PLCXD1: variants seen among roughly 807,000 people sequenced by gnomAD.
PLCXD1 encodes phosphatidylinositol specific phospholipase C X domain containing 1.
In PLCXD1, 45 loss-of-function variants were observed where a neutral mutation model predicts 37.8. The observed-to-expected ratio is 1.19, with a 90% CI of 0.94 to 1.53. The LOEUF (loss-of-function observed/expected upper bound fraction) is 1.53. Among genes scored for constraint, PLCXD1 ranks in the 40% most tolerant of loss-of-function variants. The pLI is 0.00. For missense variants in PLCXD1, 539 were observed against 454.7 expected, an observed-to-expected ratio of 1.19 and a Z score of -1.69; for synonymous variants, 246 against 206.9, an observed-to-expected ratio of 1.19 and a Z score of -1.62.
In PLCXD1 at chrX:299,236, G is replaced by A. The variant is rs748487331; in HGVS notation, c.873G>A (p.Pro291=). Residue 291 remains proline (P), a synonymous_variant, in exon 7 of 7, where the codon CCG becomes CCA. Coordinates refer to ENST00000381657, the MANE Select transcript of PLCXD1 (RefSeq NM_018390.4). Reference sequence around the variant, plus strand: ...GGGTCCGAGAGCAGTGCCCGGGGCCGGGTTCACGGTGCACCAACATCATCG... The same window carrying A: ...GGGTCCGAGAGCAGTGCCCGGGGCCAGGTTCACGGTGCACCAACATCATCG... ...SAWVREQCPG[P]GSRCTNIIAG... 5 of 1,613,898 alleles carry A rather than the reference G, an allele frequency of 3.1e-6. No homozygotes were observed. The highest frequency in any genetic ancestry group is 2.2e-5 in the South Asian group (2 of 91,074).
chrX:288,966 G>A, intron 3 of PLCXD1, 97 bp downstream of exon 3: 1 of 1,238,584 alleles, frequency 8.1e-7, no homozygotes, highest in African/African-American at 1.5e-5. Context: ...GGTAGGGTTT[G>A]AGTGGTGCCC....
intron 1 of PLCXD1, among the ~76,000 whole-genome samples, chrX:283,006 A>G (rs2069323805): frequency 6.8e-6 from 1 of 146,478 alleles, no homozygotes. Flanking sequence ...TATATATTAT[A>G]TATGTTATAT....
upstream of PLCXD1, among the ~76,000 whole-genome samples, chrX:278,952 T>C (rs1223853943): frequency 2.0e-5 from 3 of 152,112 alleles, no homozygotes; most frequent in Non-Finnish European, 4.4e-5. Flanking sequence ...AGGCTTTGTG[T>C]GAGCGATAAA....
chrX:291,461 G>A (rs774913642), intron 4 of PLCXD1, 38 bp from the exon 5 acceptor site: 1 of 1,608,666 alleles, frequency 6.2e-7, no homozygotes, highest in Admixed American at 1.7e-5. Context: ...TGTGGTGTTG[G>A]AGTCGTGCAG....
At chrX:298,805 T>C (rs35231940) in intron 6 of PLCXD1, among the ~76,000 whole-genome samples, 2,127 of 89,240 alleles carry the variant, frequency 0.024, 32 homozygotes, top group African/African-American at 0.041. Flanking sequence ...ACATGGGGAT[T>C]AGGACGTGGA....
chrX:299,210 TG>T lies in PLCXD1; in HGVS notation c.850del (p.Val284SerfsTer71). 1 of 1,613,854 alleles carries T rather than the reference TG, an allele frequency of 6.2e-7. No homozygotes were observed. Among genetic ancestry groups the T allele is most frequent in the Non-Finnish European group, 8.5e-7 (1 of 1,179,840 alleles). On this transcript the variant is annotated frameshift_variant, in exon 7 of 7. Coordinates refer to ENST00000381657, the MANE Select transcript of PLCXD1 (RefSeq NM_018390.4). LOFTEE classifies it high-confidence loss of function. Reference sequence around the variant, plus strand: ...GCCCAACCTTCCGCGGCTGAGCGCGTGGGTCCGAGAGCAGTGCCCGGGGCCG... The same window carrying T: ...GCCCAACCTTCCGCGGCTGAGCGCGTGGTCCGAGAGCAGTGCCCGGGGCCG... Reference protein sequence around the residue: ...TLPNLPRLSAWVREQCPGPGS... With the variant: ...TLPNLPRLSAXVREQCPGPGS...
chrX:302,475 C>A lies in PLCXD1; in HGVS notation c.*3140C>A, dbSNP rs2070048064. On this transcript the variant is annotated 3_prime_UTR_variant, in exon 7 of 7. Transcript: ENST00000381657. ...ATGGCACGATCTCAGCTCACTGCAA[C>A]CTCTGCCTCCCGGGTTCAAGTGATT... 6.6e-6 allele frequency: 1 copy of A among 152,200 alleles called. No individual in the cohort carries two copies. Among genetic ancestry groups the A allele is most frequent in the Non-Finnish European group, 1.5e-5 (1 of 68,074 alleles). The allele number at this position is 152,200 out of a possible 1,614,324, so 9.4% of individuals were successfully genotyped here.
upstream of PLCXD1, among the ~76,000 whole-genome samples, chrX:277,175 T>G: frequency 7.0e-6 from 1 of 143,738 alleles, no homozygotes; most frequent in African/African-American, 2.7e-5. Flanking sequence ...CTTTGTCATG[T>G]GTGGGGAAGG....
intron 2 of PLCXD1, among the ~76,000 whole-genome samples, chrX:288,008 C>T: frequency 6.6e-6 from 1 of 152,232 alleles, no homozygotes; most frequent in East Asian, 1.9e-4. Context: ...GTCCTTCCTG[C>T]CTCTCCCAGC....
chrX:299,047 G>C, intron 6 of PLCXD1, 50 bp from the exon 7 acceptor site: 1 of 1,345,060 alleles, frequency 7.4e-7, no homozygotes, highest in South Asian at 1.2e-5. Flanking sequence ...GGAGAAACAG[G>C]CGGGTGAGGC....
chrX:297,308 A>G (rs759182791), intron 6 of PLCXD1, among the ~76,000 whole-genome samples: 1 of 35,792 alleles, frequency 2.8e-5, no homozygotes, highest in Non-Finnish European at 4.6e-5. Context: ...ATCTTTGGGG[A>G]CATTATCCTG....
intron 6 of PLCXD1, among the ~76,000 whole-genome samples, chrX:295,242 G>A (rs184058639): frequency 6.6e-4 from 101 of 152,244 alleles, no homozygotes; most frequent in African/African-American, 2.4e-3. Flanking sequence ...CACCGACGGG[G>A]TGTGAGGTGC....
At chrX:296,813 T>G (rs1275960248) in intron 6 of PLCXD1, among the ~76,000 whole-genome samples, 1 of 152,120 alleles carries the variant, frequency 6.6e-6, no homozygotes, top group Non-Finnish European at 1.5e-5. Context: ...TGGACATCTT[T>G]GGGGCCATTA....
rs60605627 is a variant in PLCXD1 at position 282,402 on chromosome X, CAAA to C, written c.-22+726_-22+728del. Among the ~76,000 whole-genome samples the C allele has an allele frequency of 8.8e-3, 1,313 of 148,982 alleles. 25 individuals carry two copies. The highest frequency in any genetic ancestry group is 0.031 in the African/African-American group (1,240 of 40,396). On this transcript the variant is annotated intron_variant, in intron 1 of 6. Transcript: ENST00000381657. The stretch of plus-strand genomic sequence containing the variant: ...TGTCTTTAAAAAAAACAAAACAAAA[CAAA>C]AAAAAAACCGTACATACAGCTGGGC...
intron 2 of PLCXD1, among the ~76,000 whole-genome samples, chrX:285,942 G>C (rs2069440811): frequency 6.6e-6 from 1 of 152,068 alleles, no homozygotes; most frequent in Non-Finnish European, 1.5e-5. Context: ...TCAGGAGAGG[G>C]GGTGATGATG....
At chrX:292,215 G>T (rs2069659154) in intron 5 of PLCXD1, among the ~76,000 whole-genome samples, 1 of 152,058 alleles carries the variant, frequency 6.6e-6, no homozygotes, top group Admixed American at 6.5e-5. Flanking sequence ...CAGGACTTTG[G>T]GAGGCCGAGG....
chrX:290,310 G>A (rs1269033826), intron 3 of PLCXD1, among the ~76,000 whole-genome samples: 7 of 152,096 alleles, frequency 4.6e-5, no homozygotes, highest in South Asian at 2.1e-4. Flanking sequence ...GGCGCCTGCA[G>A]TCCCAGCTAC....
chrX:296,213 TG>T (rs2069802872), intron 6 of PLCXD1, among the ~76,000 whole-genome samples: 1 of 151,946 alleles, frequency 6.6e-6, no homozygotes, highest in Non-Finnish European at 1.5e-5. Context: ...CTCCACCTCC[TG>T]GATTCAAGTG....
intron 5 of PLCXD1, among the ~76,000 whole-genome samples, chrX:292,056 C>T (rs763104543): frequency 6.6e-6 from 1 of 152,096 alleles, no homozygotes; most frequent in Admixed American, 6.5e-5. Flanking sequence ...CATCCCAGGA[C>T]TTTGGGAGGC....
Sources: allele counts gnomAD v4.1 joint callset (sites outside exome capture counted in the v4.1 genomes callset), GRCh38; gene constraint gnomAD v4.1.1; transcripts MANE v1.5; gene names NCBI Gene and HGNC (gene_info 2026-07-23, HGNC 2026-07-21).